The following ZNF609 variants were observed in gnomAD, a reference collection of about 807,000 sequenced individuals.
The protein encoded by ZNF609 is zinc finger protein 609.
ZNF609 carries 11 observed loss-of-function variants against 109.5 expected under a neutral mutation model. That is an observed-to-expected ratio of 0.10 (90% CI 0.06 to 0.17). ZNF609 has a LOEUF of 0.17. Ranked by LOEUF, ZNF609 falls within the 10% of genes least tolerant of loss-of-function variation. The probability of loss-of-function intolerance (pLI) is 1.00; values close to 1 mark genes in which losing one functional copy is unlikely to be tolerated. For synonymous variants in ZNF609, 646 were observed against 662.0 expected (o/e 0.98, Z 0.37); for missense variants, 1,559 against 1,772.4 (o/e 0.88, Z 2.16).
intron 2 of ZNF609, among the ~76,000 whole-genome samples, chr15:64,566,332 AAATG>A (rs1894777465): frequency 6.6e-6 from 1 of 152,202 alleles, no homozygotes. Flanking sequence ...CTTGTCTCTA[AAATG>A]AATGAATGAA....
At chr15:64,508,786 T>C (rs1401750211) in intron 2 of ZNF609, among the ~76,000 whole-genome samples, 1 of 150,962 alleles carries the variant, frequency 6.6e-6, no homozygotes, top group Non-Finnish European at 1.5e-5. Flanking sequence ...CCTCCCATGC[T>C]CAAGTGATTC....
intron 2 of ZNF609, among the ~76,000 whole-genome samples, chr15:64,540,630 C>T (rs943610990): frequency 7.3e-5 from 11 of 151,110 alleles, no homozygotes; most frequent in African/African-American, 2.7e-4. Context: ...GGTCTTGAAC[C>T]CTTTACCTCG....
chr15:64,587,923 C>T (rs1895224734), intron 2 of ZNF609, among the ~76,000 whole-genome samples: 1 of 151,786 alleles, frequency 6.6e-6, no homozygotes, highest in Admixed American at 6.6e-5. Context: ...ATGAGCTTGG[C>T]CAGCAGGGGT....
At chr15:64,649,054 G>A (rs1896376766) in intron 3 of ZNF609, among the ~76,000 whole-genome samples, 1 of 152,046 alleles carries the variant, frequency 6.6e-6, no homozygotes, top group Non-Finnish European at 1.5e-5. Flanking sequence ...AATGACTCCA[G>A]CTTTGGTTGG....
At chr15:64,610,990 A>G (rs1190768534) in intron 2 of ZNF609, among the ~76,000 whole-genome samples, 2 of 152,100 alleles carry the variant, frequency 1.3e-5, no homozygotes, top group Non-Finnish European at 2.9e-5. Context: ...TGATTTGTGG[A>G]GTTTTTTAAT....
At chr15:64,491,072 G>C (rs538219888) in intron 1 of ZNF609, among the ~76,000 whole-genome samples, 1 of 152,188 alleles carries the variant, frequency 6.6e-6, no homozygotes, top group African/African-American at 2.4e-5. Flanking sequence ...ATCTCCATTG[G>C]AGATATAAGC....
intron 1 of ZNF609, among the ~76,000 whole-genome samples, chr15:64,488,094 G>A (rs525182): frequency 0.86 from 130,712 of 152,174 alleles, 57,628 homozygotes; most frequent in East Asian, 0.96. Context: ...TGCAAGGCTA[G>A]GAATACGCAG....
At chr15:64,604,894 T>C (rs1895569899) in intron 2 of ZNF609, among the ~76,000 whole-genome samples, 1 of 152,092 alleles carries the variant, frequency 6.6e-6, no homozygotes, top group South Asian at 2.1e-4. Context: ...TGCAGTGGCA[T>C]GATCTTGGCT....
intron 2 of ZNF609, among the ~76,000 whole-genome samples, chr15:64,535,826 G>A (rs1490358320): frequency 1.3e-5 from 2 of 152,170 alleles, no homozygotes; most frequent in Non-Finnish European, 1.5e-5. Context: ...TGGCAGGTAT[G>A]TAATGGTACC....
chr15:64,612,139 T>C (rs771818474), intron 2 of ZNF609, among the ~76,000 whole-genome samples: 4 of 151,486 alleles, frequency 2.6e-5, no homozygotes, highest in African/African-American at 9.7e-5. Flanking sequence ...CTGTGAATAA[T>C]AGAATATATA....
rs1241999243 is a variant in ZNF609 at position 64,469,058 on chromosome 15, AAC to A, written c.-128+8224_-128+8225del. The stretch of plus-strand genomic sequence containing the variant: ...TCTTAAAAAAAAAAAAAAAAAAAAC[AAC>A]ACAATTCAGCCTGGCCAACATGGTG... On this transcript the variant is annotated intron_variant, in intron 1 of 9. Coordinates refer to ENST00000326648, the MANE Select transcript of ZNF609 (RefSeq NM_015042.2). 1.1e-4 allele frequency among the ~76,000 whole-genome samples: 5 copies of A among 45,602 alleles called. 1 individual carries two copies. Among genetic ancestry groups the A allele is most frequent in the Admixed American group, 2.0e-4 (1 of 4,910 alleles). The allele number at this position is 45,602 out of a possible 152,430, so 29.9% of individuals were successfully genotyped here.
chr15:64,608,240 A>G (rs959772647), intron 2 of ZNF609, among the ~76,000 whole-genome samples: 3 of 152,066 alleles, frequency 2.0e-5, no homozygotes, highest in Non-Finnish European at 2.9e-5. Flanking sequence ...ACATCAGTCA[A>G]TTTATCCCAC....
intron 2 of ZNF609, among the ~76,000 whole-genome samples, chr15:64,508,955 A>C (rs537106600): frequency 1.3e-5 from 2 of 152,144 alleles, no homozygotes; most frequent in South Asian, 2.1e-4. Context: ...TGGCCTCCCA[A>C]AGTGTTGGGA....
intron 5 of ZNF609, 68 bp downstream of exon 5, chr15:64,676,324 G>A: frequency 6.9e-7 from 1 of 1,459,278 alleles, no homozygotes; most frequent in Non-Finnish European, 9.2e-7. Flanking sequence ...ACAAATAAGG[G>A]CTGTCCTTAT....
chr15:64,591,517 A>G (rs1420712473), intron 2 of ZNF609, among the ~76,000 whole-genome samples: 1 of 152,108 alleles, frequency 6.6e-6, no homozygotes, highest in East Asian at 1.9e-4. Context: ...AAGCCTCAAA[A>G]TGTGCATACC....
Position 64,488,956 on chromosome 15 carries a change from G to C in ZNF609, c.-127-10337G>C, listed in dbSNP as rs915711352. Among the ~76,000 whole-genome samples the C allele has an allele frequency of 1.3e-4, 19 of 151,394 alleles. 1 individual carries two copies. Among genetic ancestry groups the C allele is most frequent in the Admixed American group, 1.3e-3 (19 of 15,182 alleles). On this transcript the variant is annotated intron_variant, in intron 1 of 9. Coordinates refer to ENST00000326648, the MANE Select transcript of ZNF609 (RefSeq NM_015042.2). ...AAAGAAAGAAAGAAACAATTAGCCG[G>C]GTATGGTGGTGGTGCATGCCTGTGG...
At chr15:64,597,275 C>T (rs897935423) in intron 2 of ZNF609, among the ~76,000 whole-genome samples, 2 of 152,138 alleles carry the variant, frequency 1.3e-5, no homozygotes, top group African/African-American at 4.8e-5. Flanking sequence ...GGCACTTTTC[C>T]TCCTCAGTTA....
chr15:64,557,772 G>C (rs7169157), intron 2 of ZNF609, among the ~76,000 whole-genome samples: 3,284 of 152,130 alleles, frequency 0.022, 122 homozygotes, highest in African/African-American at 0.075. Flanking sequence ...TCTCGGCCCA[G>C]TGCAAGCTGC....
intron 3 of ZNF609, among the ~76,000 whole-genome samples, chr15:64,651,374 C>T (rs1246106519): frequency 6.6e-6 from 1 of 152,120 alleles, no homozygotes; most frequent in African/African-American, 2.4e-5. Flanking sequence ...AAGAGCCCTA[C>T]TAATGATACA....
Sources: gnomAD v4.1 joint callset for allele counts (sites outside exome capture counted in the v4.1 genomes callset) on GRCh38, gnomAD v4.1.1 for gene constraint, MANE v1.5 for transcripts, NCBI Gene and HGNC (gene_info 2026-07-23, HGNC 2026-07-21) for gene names.